TBC1D14: variants seen among roughly 807,000 people sequenced by gnomAD.
TBC1D14 encodes TBC1 domain family member 14.
A neutral mutation model predicts 79.0 loss-of-function variants in TBC1D14; 26 were observed. The ratio of observed to expected loss-of-function variants is 0.33; its 90% CI spans 0.24 to 0.46. TBC1D14 has a LOEUF of 0.46. Among genes scored for constraint, TBC1D14 ranks in the 20% least tolerant of loss-of-function variants. The pLI is 1.00. For synonymous variants in TBC1D14, 394 were observed against 349.9 expected (o/e 1.13, Z -1.40); for missense variants, 769 against 887.6 (o/e 0.87, Z 1.70).
chr4:6,913,685 T>TA (rs1723175333), intron 1 of TBC1D14, among the ~76,000 whole-genome samples: 1 of 152,256 alleles, frequency 6.6e-6, no homozygotes, highest in South Asian at 2.1e-4. Flanking sequence ...ATTAAGATTA[T>TA]AAACTATACC....
At chr4:6,984,630 C>T (rs372007631) in intron 3 of TBC1D14, among the ~76,000 whole-genome samples, 1 of 152,134 alleles carries the variant, frequency 6.6e-6, no homozygotes, top group African/African-American at 2.4e-5. Context: ...ACTTCACAGC[C>T]CCCGTTACAG....
chr4:6,947,530 C>T (rs1242491652), intron 2 of TBC1D14, among the ~76,000 whole-genome samples: 3 of 151,260 alleles, frequency 2.0e-5, no homozygotes, highest in South Asian at 2.1e-4. Context: ...CCCCTGGTGG[C>T]GGGTGCCTGT....
At chr4:6,997,510 C>T (rs1338849068) in intron 5 of TBC1D14, among the ~76,000 whole-genome samples, 5 of 152,098 alleles carry the variant, frequency 3.3e-5, no homozygotes, top group Admixed American at 6.5e-5. Flanking sequence ...CCTGTAGTCC[C>T]AGCTACTTGG....
At chr4:6,993,839 A>G (rs1053424150) in intron 3 of TBC1D14, among the ~76,000 whole-genome samples, 2 of 152,142 alleles carry the variant, frequency 1.3e-5, no homozygotes, top group Non-Finnish European at 2.9e-5. Flanking sequence ...GTGAAACCCC[A>G]TCTCTACTAA....
At chr4:6,936,020 C>T (rs1192198046) in intron 2 of TBC1D14, among the ~76,000 whole-genome samples, 2 of 152,176 alleles carry the variant, frequency 1.3e-5, no homozygotes, top group East Asian at 3.8e-4. Context: ...TGTAGGTTTA[C>T]AGCAAAATTA....
At chr4:6,953,547 C>T (rs1714309970) in intron 2 of TBC1D14, among the ~76,000 whole-genome samples, 2 of 137,856 alleles carry the variant, frequency 1.5e-5, no homozygotes, top group East Asian at 2.2e-4. Flanking sequence ...AGGAGAATGG[C>T]GTGAACCCCA....
Position 6,999,189 on chromosome 4 carries a change from A to C in TBC1D14, c.1150A>C (p.Asn384His), listed in dbSNP as rs769754641. Residue 384 changes from asparagine to histidine, a missense_variant, in exon 6 of 14, where the codon AAC becomes CAC. Asn to His is a moderately conservative substitution (Grantham distance 68). Around this residue, in one of 2 missense-constraint regions of TBC1D14, gnomAD observed 367 missense variants for 494.4 expected, o/e 0.74. Transcript: ENST00000409757. ...CACCTGGAATAATGAGATCTTACCT[A>C]ACTGGGAAACAATGTAAGATGTGGC... ...VLTWNNEILP[N>H]WETMWCSRKV... 1 of 1,613,574 alleles carries C rather than the reference A, an allele frequency of 6.2e-7. No homozygotes were observed.
intron 7 of TBC1D14, among the ~76,000 whole-genome samples, chr4:7,003,688 A>ACATCT (rs1719893760): frequency 6.6e-6 from 1 of 152,100 alleles, no homozygotes; most frequent in Admixed American, 6.6e-5. Flanking sequence ...GACATCTGGG[A>ACATCT]GCTGATCAGG....
upstream of TBC1D14, chr4:6,909,556 C>T (rs1430711064): frequency 6.6e-6 from 1 of 151,884 alleles, no homozygotes; most frequent in Non-Finnish European, 1.5e-5. Context: ...GCACAAAGGC[C>T]CGCTCAAGGC....
chr4:6,940,107 C>A (rs892650074), intron 2 of TBC1D14, among the ~76,000 whole-genome samples: 1 of 152,158 alleles, frequency 6.6e-6, no homozygotes, highest in Admixed American at 6.5e-5. Flanking sequence ...ATCAAACTGC[C>A]GTCCAGTGTG....
At chr4:7,012,977 A>G (rs1423032799) in intron 11 of TBC1D14, among the ~76,000 whole-genome samples, 1 of 152,216 alleles carries the variant, frequency 6.6e-6, no homozygotes, top group Non-Finnish European at 1.5e-5. Context: ...ATTTAATTTT[A>G]TCTTTTTATA....
chr4:7,005,485 A>G lies in TBC1D14; in HGVS notation c.1351+561A>G, dbSNP rs570059209. Among the ~76,000 whole-genome samples the G allele has an allele frequency of 5.5e-4, 84 of 152,302 alleles. 1 individual carries two copies. The highest frequency in any genetic ancestry group is 2.0e-3 in the African/African-American group (82 of 41,576). ...GGGAGGTGGAGGTTGCAGGGAGCCAAGACCGTGCCACTGCATTCCAGCCTG... is the reference window on the plus strand; with the variant it reads ...GGGAGGTGGAGGTTGCAGGGAGCCAGGACCGTGCCACTGCATTCCAGCCTG... On this transcript the variant is annotated intron_variant, in intron 8 of 13. Transcript: ENST00000409757.
At chr4:7,017,130 G>C (rs772865024) in intron 12 of TBC1D14, among the ~76,000 whole-genome samples, 1 of 152,094 alleles carries the variant, frequency 6.6e-6, no homozygotes, top group Non-Finnish European at 1.5e-5. Flanking sequence ...GCGAAACCCC[G>C]TCTCTACTAA....
intron 2 of TBC1D14, among the ~76,000 whole-genome samples, chr4:6,928,636 C>T (rs984433216): frequency 1.3e-5 from 2 of 152,150 alleles, no homozygotes; most frequent in African/African-American, 4.8e-5. Context: ...AGTTTGAGAC[C>T]AACCTGGCCA....
At chr4:7,025,768 G>A (rs554817535) in intron 13 of TBC1D14, among the ~76,000 whole-genome samples, 5 of 152,316 alleles carry the variant, frequency 3.3e-5, no homozygotes, top group African/African-American at 7.2e-5. Context: ...CTTCCCATGC[G>A]CTGCTGTGCC....
intron 2 of TBC1D14, among the ~76,000 whole-genome samples, chr4:6,933,982 T>A (rs967902266): frequency 1.3e-5 from 2 of 152,170 alleles, no homozygotes; most frequent in African/African-American, 4.8e-5. Context: ...TCTGAGACTT[T>A]CGGCCTCAGC....
chr4:7,025,743 G>A (rs542817622), intron 13 of TBC1D14, among the ~76,000 whole-genome samples: 2 of 152,324 alleles, frequency 1.3e-5, no homozygotes, highest in East Asian at 3.9e-4. Flanking sequence ...AGGAGGGCGC[G>A]GGTCCCTCCT....
intron 2 of TBC1D14, among the ~76,000 whole-genome samples, chr4:6,938,758 C>T (rs775828841): frequency 6.6e-5 from 10 of 152,240 alleles, no homozygotes; most frequent in Non-Finnish European, 1.0e-4. Flanking sequence ...CCCGCATTCA[C>T]CCAGGGGGCA....
intron 3 of TBC1D14, 114 bp from the exon 4 acceptor site, chr4:6,994,070 A>C (rs949718661): frequency 1.1e-6 from 1 of 903,026 alleles, no homozygotes; most frequent in Non-Finnish European, 1.8e-6. Flanking sequence ...TTTTTGGCGA[A>C]TTGTCCTCGA....
Sources: gnomAD v4.1 joint callset for allele counts (sites outside exome capture counted in the v4.1 genomes callset) on GRCh38, gnomAD v4.1.1 for gene constraint, gnomAD v4.1.1 regional missense constraint, MANE v1.5 for transcripts, NCBI Gene and HGNC (gene_info 2026-07-23, HGNC 2026-07-21) for gene names.